The following MCF2L variants were observed in gnomAD, a reference collection of about 807,000 sequenced individuals.
MCF2L encodes guanine nucleotide exchange factor DBS.
Under a neutral mutation model 153.4 loss-of-function variants are expected in MCF2L, and 97 were observed. The ratio of observed to expected loss-of-function variants is 0.63; its 90% CI spans 0.54 to 0.75. MCF2L has a LOEUF of 0.75. Ranked by LOEUF, MCF2L falls within the 30% of genes least tolerant of loss-of-function variation. The pLI is 0.00. For synonymous variants in MCF2L, 659 were observed against 632.2 expected (o/e 1.04, Z -0.64); for missense variants, 1,347 against 1,495.2 (o/e 0.90, Z 1.64).
intron 1 of MCF2L, among the ~76,000 whole-genome samples, chr13:112,980,218 G>T (rs1465402766): frequency 6.6e-6 from 1 of 152,252 alleles, no homozygotes; most frequent in Non-Finnish European, 1.5e-5. Context: ...GGAACAGCAC[G>T]TTTGCTCGGC....
chr13:113,083,958 G>T (rs762357585), intron 17 of MCF2L, 40 bp from the exon 18 acceptor site: 2 of 1,455,416 alleles, frequency 1.4e-6, no homozygotes, highest in Non-Finnish European at 1.9e-6. Flanking sequence ...CACGTGACTC[G>T]GCCTGTCTTT....
chr13:112,998,119 C>G (rs115909296), intron 1 of MCF2L, among the ~76,000 whole-genome samples: 1 of 152,210 alleles, frequency 6.6e-6, no homozygotes, highest in Non-Finnish European at 1.5e-5. Flanking sequence ...TCCTGTGTTC[C>G]GAACCCCGTG....
intron 2 of MCF2L, among the ~76,000 whole-genome samples, chr13:112,919,457 G>A (rs545449296): frequency 3.3e-5 from 5 of 151,806 alleles, no homozygotes; most frequent in African/African-American, 4.8e-5. Flanking sequence ...CGCCCGCCTC[G>A]GCCTCCCAAA....
rs779465002 is a variant in MCF2L at position 113,096,617 on chromosome 13, G to T, written c.3256G>T (p.Gly1086Cys). ...VPASSLSVRLGPSGSAQCLSS... is the reference protein window; with the variant it reads ...VPASSLSVRLCPSGSAQCLSS... ...GGCCAGCAGCCTGTCCGTCCGGCTCGGCCCGTCCGGCTCGGCCCAGTGCCT... is the reference window on the plus strand; with the variant it reads ...GGCCAGCAGCCTGTCCGTCCGGCTCTGCCCGTCCGGCTCGGCCCAGTGCCT... Residue 1086 changes from glycine (G) to cysteine (C), a missense_variant, in exon 29 of 30, where the codon GGC becomes TGC. This residue lies in a region of MCF2L where 383 missense variants were observed against 335.4 expected (regional missense o/e 1.14). Coordinates refer to ENST00000535094, the MANE Select transcript of MCF2L (RefSeq NM_001112732.3). The T allele has an allele frequency of 4.4e-6, 7 of 1,596,280 alleles. No homozygotes were observed. In the South Asian group the frequency reaches 6.7e-5, roughly 15 times the overall value.
At chr13:112,959,284 G>T (rs538867233) in intron 2 of MCF2L, among the ~76,000 whole-genome samples, 56 of 152,058 alleles carry the variant, frequency 3.7e-4, no homozygotes, top group African/African-American at 1.3e-3. Flanking sequence ...CTCCACTCTG[G>T]CCCCAGCAGT....
chr13:112,913,978 A>G (rs577450618), intron 2 of MCF2L, among the ~76,000 whole-genome samples: 85 of 151,516 alleles, frequency 5.6e-4, no homozygotes, highest in African/African-American at 2.0e-3. Context: ...TCGAGTCCAG[A>G]CTCCTTAGCG....
chr13:113,091,431 C>T (rs946957563), intron 26 of MCF2L, among the ~76,000 whole-genome samples: 3 of 152,234 alleles, frequency 2.0e-5, no homozygotes, highest in East Asian at 1.9e-4. Context: ...GCGGAACTGC[C>T]CACCCCGTCG....
In MCF2L at chr13:112,943,143, C is replaced by CT. The variant is rs2081593344; in HGVS notation, c.169+40772_169+40773insT. On this transcript the variant is annotated intron_variant, in intron 2 of 29. Coordinates refer to the MCF2L transcript ENST00000375608. This position sits in a 1 kb window ranked among gnomAD's most constrained non-coding sequence, Gnocchi z 4.2. ...TGTCAGAAACAGCTGCGAGGAGCAT[C>CT]CAGCCTAGGGCTCAGCAGGTGTGAC... 6.6e-6 allele frequency among the ~76,000 whole-genome samples: 1 copy of CT among 152,224 alleles called. No individual in the cohort carries two copies. Among genetic ancestry groups the CT allele is most frequent in the Non-Finnish European group, 1.5e-5 (1 of 68,032 alleles).
At chr13:113,001,179 C>T (rs1471674646) in intron 1 of MCF2L, 4 of 152,086 alleles carry the variant, frequency 2.6e-5, no homozygotes, top group African/African-American at 7.2e-5. Context: ...CCCTCCCGGT[C>T]CTGGAAAAGT....
At chr13:113,033,194 G>A (rs372420679) in intron 3 of MCF2L, among the ~76,000 whole-genome samples, 23 of 65,420 alleles carry the variant, frequency 3.5e-4, no homozygotes, top group Admixed American at 6.3e-4. Flanking sequence ...AGTGGACCCC[G>A]TGACGTGAGT....
chr13:112,990,101 C>G (rs998671507), intron 1 of MCF2L, among the ~76,000 whole-genome samples: 2 of 152,248 alleles, frequency 1.3e-5, no homozygotes, highest in African/African-American at 4.8e-5. Context: ...ACCTGCCGCT[C>G]ACTTCCTGCT....
At chr13:112,964,688 C>T (rs1488355819), upstream of MCF2L, 1 of 152,164 alleles carries the variant, frequency 6.6e-6, no homozygotes, top group African/African-American at 2.4e-5. Context: ...ACACACATCC[C>T]AGGAAATATT....
intron 1 of MCF2L, among the ~76,000 whole-genome samples, chr13:112,981,464 C>T (rs892316360): frequency 2.6e-5 from 4 of 152,256 alleles, no homozygotes; most frequent in African/African-American, 9.6e-5. Context: ...CACTGAGCCA[C>T]GTCCTGCCCT....
chr13:113,033,255 T>G (rs866728313), intron 3 of MCF2L, among the ~76,000 whole-genome samples: 418 of 7,644 alleles, frequency 0.055, 2 homozygotes, highest in Non-Finnish European at 0.067. Flanking sequence ...CCCGTGACAT[T>G]AGTGGACCCC....
At chr13:112,959,926 G>T (rs1594385461) in intron 2 of MCF2L, among the ~76,000 whole-genome samples, 1 of 152,224 alleles carries the variant, frequency 6.6e-6, no homozygotes, top group Non-Finnish European at 1.5e-5. Context: ...CAGTGGACAC[G>T]CTGTGGCCTG....
intron 26 of MCF2L, chr13:113,091,148 C>T (rs2035172060): frequency 7.7e-7 from 1 of 1,304,574 alleles, no homozygotes; most frequent in African/African-American, 1.5e-5. Context: ...GACAAAAAAG[C>T]CAAGCGGCAT....
intron 2 of MCF2L, among the ~76,000 whole-genome samples, chr13:112,929,755 C>T (rs901176070): frequency 6.6e-6 from 1 of 152,196 alleles, no homozygotes; most frequent in Non-Finnish European, 1.5e-5. Context: ...GCCTGCATCA[C>T]GGACTGCATG....
chr13:113,087,904 A>G (rs537112896), intron 23 of MCF2L, 105 bp downstream of exon 23: 30 of 931,368 alleles, frequency 3.2e-5, no homozygotes, highest in Non-Finnish European at 4.8e-5. Flanking sequence ...GCCCAGGAGC[A>G]GCCGCTGTAC....
chr13:113,010,115 A>AACC (rs2083985474), intron 1 of MCF2L: 3 of 94,844 alleles, frequency 3.2e-5, no homozygotes, highest in Non-Finnish European at 6.4e-5. Flanking sequence ...CACCCCCCAT[A>AACC]CCCCCCCCAC....
Sources: allele counts gnomAD v4.1 joint callset (sites outside exome capture counted in the v4.1 genomes callset), GRCh38; gene constraint gnomAD v4.1.1; regional missense constraint gnomAD v4.1.1; non-coding constraint Gnocchi (gnomAD v3.1); transcripts MANE v1.5; gene names NCBI Gene and HGNC (gene_info 2026-07-23, HGNC 2026-07-21).